The following PDE1A variants were observed in gnomAD, a reference collection of about 807,000 sequenced individuals.
PDE1A encodes phosphodiesterase 1A.
PDE1A carries 35 observed loss-of-function variants against 61.7 expected under a neutral mutation model. The observed-to-expected ratio is 0.57, with a 90% confidence interval of 0.43 to 0.75. PDE1A has a LOEUF of 0.75. Ranked by LOEUF, PDE1A falls within the 30% of genes least tolerant of loss-of-function variation. The probability of loss-of-function intolerance (pLI) is 0.00; values close to 1 mark genes in which losing one functional copy is unlikely to be tolerated. For missense variants in PDE1A, 597 were observed against 630.6 expected, an observed-to-expected ratio of 0.95 and a Z score of 0.57; for synonymous variants, 232 against 213.2, an observed-to-expected ratio of 1.09 and a Z score of -0.77.
rs563250879 is a variant in PDE1A at position 182,302,168 on chromosome 2, C to T, written c.54-37754G>A. 2.6e-5 allele frequency among the ~76,000 whole-genome samples: 4 copies of T among 152,334 alleles called. No homozygotes were observed. The South Asian group carries it at 6.2e-4, about 24-fold the overall frequency. ...TAACTCAGCCCTTAACATTTCCATA[C>T]ATGCCAGCCCAACTTTCAACTGCAG... On this transcript the variant is annotated intron_variant, in intron 1 of 13. Coordinates refer to ENST00000351439, the Ensembl canonical transcript of PDE1A.
intron 2 of PDE1A, among the ~76,000 whole-genome samples, chr2:182,458,297 A>T (rs1686052395): frequency 6.6e-6 from 1 of 152,130 alleles, no homozygotes; most frequent in Non-Finnish European, 1.5e-5. Flanking sequence ...AAAAACAAAA[A>T]AAGCAATATT....
chr2:182,230,017 T>C, exon 6 of PDE1A: 1 of 1,612,112 alleles, frequency 6.2e-7, no homozygotes, highest in Non-Finnish European at 8.5e-7. Context: ...ATGATACCTG[T>C]ATGAAGCATT....
chr2:182,252,124 G>A (rs2128042), intron 2 of PDE1A, among the ~76,000 whole-genome samples: 70,103 of 151,946 alleles, frequency 0.46, 16,913 homozygotes, highest in East Asian at 0.66. Flanking sequence ...TAAAAGTATA[G>A]AAAACATAGG....
At chr2:182,140,822 A>T (rs1346864020) in exon 15 of PDE1A, 6 of 151,898 alleles carry the variant, frequency 4.0e-5, no homozygotes, top group African/African-American at 7.3e-5. Flanking sequence ...AGAGGAAAAC[A>T]AAGGAAGGAA....
chr2:182,210,891 G>C (rs1230148682), intron 7 of PDE1A, among the ~76,000 whole-genome samples: 9 of 115,070 alleles, frequency 7.8e-5, no homozygotes, highest in African/African-American at 3.0e-4. Flanking sequence ...CTGAGGCTGG[G>C]TAATTTATCA....
At chr2:182,321,819 A>C (rs1696713971) in intron 1 of PDE1A, among the ~76,000 whole-genome samples, 1 of 152,112 alleles carries the variant, frequency 6.6e-6, no homozygotes. Context: ...CCAAATTTGC[A>C]TGTTTTATAG....
chr2:182,634,182 A>G, the PDE1A span, among the ~76,000 whole-genome samples: 3 of 152,170 alleles, frequency 2.0e-5, no homozygotes, highest in Non-Finnish European at 4.4e-5. Flanking sequence ...CAACTAATCA[A>G]AAATAAAAAG....
the PDE1A span, among the ~76,000 whole-genome samples, chr2:182,560,474 T>G: frequency 6.6e-6 from 1 of 151,366 alleles, no homozygotes; most frequent in Non-Finnish European, 1.5e-5. Flanking sequence ...TGTTGGACAT[T>G]TGGGTTGGTT....
At chr2:182,168,424 CAT>C in intron 13 of PDE1A, 1 of 764,230 alleles carries the variant, frequency 1.3e-6, no homozygotes, top group Non-Finnish European at 2.0e-6. Flanking sequence ...TGAAGAGAAA[CAT>C]AATTGGCATA....
Position 182,409,263 on chromosome 2 carries a change from G to C in PDE1A, c.53+17315C>G, listed in dbSNP as rs374701467. On this transcript the variant is annotated intron_variant, in intron 1 of 13. Transcript: ENST00000351439. ...CAGTTCCACTCCTAGACTGTGAATAGCCTGCTAGAAATTTCTACCTGAACA... is the reference window on the plus strand; with the variant it reads ...CAGTTCCACTCCTAGACTGTGAATACCCTGCTAGAAATTTCTACCTGAACA... Among the ~76,000 whole-genome samples the C allele has an allele frequency of 4.6e-5, 7 of 152,186 alleles. No individual in the cohort carries two copies. In the East Asian group the frequency reaches 1.4e-3, roughly 29 times the overall value.
the PDE1A span, among the ~76,000 whole-genome samples, chr2:182,558,086 T>C: frequency 1.3e-5 from 2 of 152,170 alleles, no homozygotes; most frequent in African/African-American, 2.4e-5. Context: ...CAGTTTGAGT[T>C]GAAAATAATT....
chr2:182,353,749 C>T (rs531268092), intron 1 of PDE1A, among the ~76,000 whole-genome samples: 70 of 152,194 alleles, frequency 4.6e-4, no homozygotes, highest in African/African-American at 1.5e-3. Context: ...ATACTCACTA[C>T]ATTAAGATGT....
chr2:182,691,139 A>G, the PDE1A span, among the ~76,000 whole-genome samples: 2 of 152,208 alleles, frequency 1.3e-5, no homozygotes, highest in African/African-American at 4.8e-5. Context: ...CATCCCCATC[A>G]AGCTACCAAT....
the PDE1A span, among the ~76,000 whole-genome samples, chr2:182,652,641 C>T: frequency 6.6e-6 from 1 of 152,160 alleles, no homozygotes; most frequent in East Asian, 1.9e-4. Flanking sequence ...TTGAGACCCA[C>T]TTGTACCCTA....
intron 2 of PDE1A, among the ~76,000 whole-genome samples, chr2:182,498,653 A>G (rs764522875): frequency 6.6e-6 from 1 of 152,090 alleles, no homozygotes; most frequent in Non-Finnish European, 1.5e-5. Context: ...CAGTATCAAA[A>G]TTACCCTAAG....
rs2368295 is a variant in PDE1A at position 182,488,611 on chromosome 2, C to T, written c.101+33665G>A. ...ATAAATACCTGTCTATCTACTGAAG[C>T]CTTCTGCAAAATTAACAGTTTTTGA... On this transcript the variant is annotated intron_variant, in intron 2 of 14. Coordinates refer to the PDE1A transcript ENST00000410103. Among the ~76,000 whole-genome samples, 3 of 152,082 alleles carry T rather than the reference C, an allele frequency of 2.0e-5. No individual in the cohort carries two copies. In the South Asian group the frequency reaches 6.2e-4, roughly 32 times the overall value.
intron 1 of PDE1A, among the ~76,000 whole-genome samples, chr2:182,378,969 C>A (rs1449446596): frequency 1.3e-5 from 2 of 152,170 alleles, no homozygotes; most frequent in Admixed American, 6.5e-5. Context: ...TGTTCAGACT[C>A]TCAGCATGTC....
intron 3 of PDE1A, among the ~76,000 whole-genome samples, chr2:182,236,571 C>T (rs1690036625): frequency 6.6e-6 from 1 of 152,160 alleles, no homozygotes; most frequent in Non-Finnish European, 1.5e-5. Context: ...ACATGTTAGC[C>T]ACTCACTGCT....
At chr2:182,439,558 C>A (rs1203990213) in intron 2 of PDE1A, among the ~76,000 whole-genome samples, 1 of 151,930 alleles carries the variant, frequency 6.6e-6, no homozygotes, top group African/African-American at 2.4e-5. Context: ...ACCAAAGCTG[C>A]AGAGCAGTCA....
Sources: allele counts gnomAD v4.1 joint callset (sites outside exome capture counted in the v4.1 genomes callset), GRCh38; gene constraint gnomAD v4.1.1; transcripts MANE v1.5; gene names NCBI Gene and HGNC (gene_info 2026-07-23, HGNC 2026-07-21).